SLAIN2: variants seen among roughly 807,000 people sequenced by gnomAD.
The protein encoded by SLAIN2 is SLAIN family member 2, also known as SLAIN motif-containing protein 2.
Under a neutral mutation model 56.6 loss-of-function variants are expected in SLAIN2, and 31 were observed. The ratio of observed to expected loss-of-function variants is 0.55; its 90% CI spans 0.41 to 0.74. The LOEUF (loss-of-function observed/expected upper bound fraction) is 0.74. Ranked by LOEUF, SLAIN2 falls within the 30% of genes least tolerant of loss-of-function variation. The pLI, the probability that SLAIN2 is intolerant of heterozygous loss-of-function variation, is 0.00. For synonymous variants in SLAIN2, 317 were observed against 284.9 expected, an observed-to-expected ratio of 1.11 and a Z score of -1.13; for missense variants, 777 against 754.2, an observed-to-expected ratio of 1.03 and a Z score of -0.35.
intron 2 of SLAIN2, among the ~76,000 whole-genome samples, chr4:48,370,259 T>A (rs1715629022): frequency 6.6e-6 from 1 of 152,202 alleles, no homozygotes. Context: ...TATGATAAGC[T>A]TTTTTCTAAT....
intron 6 of SLAIN2, among the ~76,000 whole-genome samples, chr4:48,400,563 C>G (rs1716522939): frequency 6.6e-6 from 1 of 151,888 alleles, no homozygotes; most frequent in South Asian, 2.1e-4. Context: ...CCACGCCTAG[C>G]TAATTTGTTT....
chr4:48,376,691 G>A (rs1335346773), intron 2 of SLAIN2, among the ~76,000 whole-genome samples: 3 of 134,528 alleles, frequency 2.2e-5, no homozygotes, highest in African/African-American at 8.3e-5. Context: ...GCTCGATATC[G>A]GCTCACTGCA....
intron 1 of SLAIN2, among the ~76,000 whole-genome samples, chr4:48,350,300 A>T (rs894961764): frequency 6.6e-6 from 1 of 152,196 alleles, no homozygotes; most frequent in Non-Finnish European, 1.5e-5. Context: ...CCTGGTGCTG[A>T]TACCCTGGTA....
At chr4:48,349,192 A>G (rs955447830) in intron 1 of SLAIN2, among the ~76,000 whole-genome samples, 3 of 152,204 alleles carry the variant, frequency 2.0e-5, no homozygotes, top group African/African-American at 4.8e-5. Context: ...ATTTAACGCA[A>G]CCACCTTGTG....
chr4:48,384,185 A>G (rs942219603), intron 6 of SLAIN2, among the ~76,000 whole-genome samples: 29 of 152,196 alleles, frequency 1.9e-4, no homozygotes, highest in African/African-American at 7.0e-4. Flanking sequence ...AAAATACCTA[A>G]AAGTTTGATT....
At chr4:48,362,576 G>A (rs114793241) in intron 1 of SLAIN2, among the ~76,000 whole-genome samples, 4,737 of 149,504 alleles carry the variant, frequency 0.032, 88 homozygotes, top group Admixed American at 0.048. Flanking sequence ...GTGCTACCAT[G>A]CCCGGCTACA....
At chr4:48,357,879 T>C (rs1332551585) in intron 1 of SLAIN2, among the ~76,000 whole-genome samples, 1 of 151,754 alleles carries the variant, frequency 6.6e-6, no homozygotes, top group African/African-American at 2.4e-5. Flanking sequence ...AAAAAACTTT[T>C]GTAGAGACAG....
chr4:48,425,299 C>T lies in SLAIN2; in HGVS notation c.*3222C>T, dbSNP rs1049059287. ...CTTTTTTACCTGCTGTGAATTGATA[C>T]CTAGTTATAAAAAGCTAGCATTTGC... is the stretch of plus-strand genomic sequence containing the variant. On this transcript the variant is annotated 3_prime_UTR_variant, in exon 8 of 8. Transcript: ENST00000264313. 1 of 151,884 alleles carries T rather than the reference C, an allele frequency of 6.6e-6. No individual in the cohort carries two copies. The highest frequency in any genetic ancestry group is 1.9e-4 in the East Asian group (1 of 5,190). 9.4% of individuals were successfully genotyped at this position (151,884 alleles called of 1,614,324 possible). A position where few individuals can be genotyped will look rare whatever the true frequency, so the allele number is the denominator to read the frequency against.
At chr4:48,374,054 A>G (rs1406324878) in intron 2 of SLAIN2, among the ~76,000 whole-genome samples, 1 of 152,136 alleles carries the variant, frequency 6.6e-6, no homozygotes, top group East Asian at 1.9e-4. Context: ...AAGGAGATGG[A>G]GTAGAGCATT....
At chr4:48,364,885 G>T (rs903638160) in intron 1 of SLAIN2, among the ~76,000 whole-genome samples, 1 of 143,776 alleles carries the variant, frequency 7.0e-6, no homozygotes, top group African/African-American at 2.6e-5. Flanking sequence ...GGAGGGGGAG[G>T]GGGAGGGGGA....
chr4:48,426,186 G>A lies in SLAIN2; in HGVS notation c.*4109G>A, dbSNP rs1463726722. On this transcript the variant is annotated 3_prime_UTR_variant, in exon 8 of 8. Transcript: ENST00000264313. ...GAGAAAATGTTTCTTTTAAATAAAT[G>A]TTTCTTATGTAAAAATGTTGACATG... 9.9e-5 allele frequency: 15 copies of A among 151,562 alleles called. No individual in the cohort carries two copies. Among genetic ancestry groups the A allele is most frequent in the Non-Finnish European group, 2.9e-5 (2 of 67,916 alleles). The allele number at this position is 151,562 out of a possible 1,614,324, so 9.4% of individuals were successfully genotyped here. A position where few individuals can be genotyped will look rare whatever the true frequency, so the allele number is the denominator to read the frequency against.
Position 48,341,848 on chromosome 4 carries a change from G to T in SLAIN2, c.109G>T (p.Ala37Ser). The change falls in exon 1 of 8, where the codon GCC (alanine) becomes TCC (serine). Residue 37 changes from alanine to serine, a missense_variant. Ala to Ser is a moderately conservative substitution (Grantham distance 99). Coordinates refer to ENST00000264313, the MANE Select transcript of SLAIN2 (RefSeq NM_020846.2). ...CGAACAGCTGAGGAGCCGCTCGGGG[G>T]CCGTGCAGGGCGCCGGCTCCCTTGG... ...QNEQLRSRSGAVQGAGSLGPG... is the reference protein window; with the variant it reads ...QNEQLRSRSGSVQGAGSLGPG... The T allele has an allele frequency of 6.6e-7, 1 of 1,523,364 alleles. No individual in the cohort carries two copies. Among genetic ancestry groups the T allele is most frequent in the Non-Finnish European group, 8.8e-7 (1 of 1,135,864 alleles). 94.4% of individuals were successfully genotyped at this position (1,523,364 alleles called of 1,614,324 possible). A position where few individuals can be genotyped will look rare whatever the true frequency, so the allele number is the denominator to read the frequency against.
chr4:48,383,668 C>A lies in SLAIN2; in HGVS notation c.1244C>A (p.Pro415Gln). The change falls in exon 6 of 8, where the codon CCA (proline) becomes CAA (glutamine). Residue 415 changes from proline (P) to glutamine (Q), a missense_variant. Physicochemically the swap from Pro to Gln is moderately conservative, Grantham distance 76. Coordinates refer to ENST00000264313, the MANE Select transcript of SLAIN2 (RefSeq NM_020846.2). ...KNEEKLRRSL[P>Q]NLSRTSNTQV... is the part of the protein sequence containing the mutation. ...GCAGAAAAACTAAGACGCAGTCTTCCAAACCTGTCCCGAACATCTAATACA... is the reference window on the plus strand; with the variant it reads ...GCAGAAAAACTAAGACGCAGTCTTCAAAACCTGTCCCGAACATCTAATACA... The A allele has an allele frequency of 6.3e-7, 1 of 1,596,812 alleles. No individual in the cohort carries two copies. Among genetic ancestry groups the A allele is most frequent in the Non-Finnish European group, 8.5e-7 (1 of 1,170,024 alleles).
At chr4:48,377,296 C>T (rs1315063374) in intron 2 of SLAIN2, among the ~76,000 whole-genome samples, 2 of 151,566 alleles carry the variant, frequency 1.3e-5, no homozygotes, top group Non-Finnish European at 2.9e-5. Flanking sequence ...GATTTTCCTG[C>T]CTCAGCCTCC....
intron 2 of SLAIN2, among the ~76,000 whole-genome samples, chr4:48,373,803 G>A (rs1265544910): frequency 6.6e-6 from 1 of 152,180 alleles, no homozygotes; most frequent in Non-Finnish European, 1.5e-5. Context: ...CACTTTGGGA[G>A]GCCAAGGTGG....
At chr4:48,365,804 C>A (rs2109749704) in intron 1 of SLAIN2, among the ~76,000 whole-genome samples, 1 of 152,286 alleles carries the variant, frequency 6.6e-6, no homozygotes, top group Non-Finnish European at 1.5e-5. Flanking sequence ...CTCAGGTGAT[C>A]CACCAGCCTC....
intron 6 of SLAIN2, among the ~76,000 whole-genome samples, chr4:48,418,207 G>A (rs1717050175): frequency 6.7e-6 from 1 of 148,352 alleles, no homozygotes; most frequent in African/African-American, 2.5e-5. Flanking sequence ...GCTAGAATTA[G>A]TGGTAAGAGC....
chr4:48,365,340 G>C (rs1715485121), intron 1 of SLAIN2, among the ~76,000 whole-genome samples: 1 of 149,898 alleles, frequency 6.7e-6, no homozygotes, highest in Non-Finnish European at 1.5e-5. Flanking sequence ...CGTGGTGGCG[G>C]GCACCTGTAA....
Position 48,368,983 on chromosome 4 carries a change from T to A in SLAIN2, c.390-866T>A, listed in dbSNP as rs1169948168. ...AACACTTCATGTTATTACACTAACT[T>A]GATTAATGTAAATGAGATTATTGAC... On this transcript the variant is annotated intron_variant, in intron 1 of 7. Coordinates refer to ENST00000264313, the MANE Select transcript of SLAIN2 (RefSeq NM_020846.2). 2.6e-5 allele frequency among the ~76,000 whole-genome samples: 4 copies of A among 152,244 alleles called. No individual in the cohort carries two copies. In the East Asian group the frequency reaches 7.7e-4, roughly 29 times the overall value.
Sources: gnomAD v4.1 joint callset for allele counts (sites outside exome capture counted in the v4.1 genomes callset) on GRCh38, gnomAD v4.1.1 for gene constraint, MANE v1.5 for transcripts, NCBI Gene and HGNC (gene_info 2026-07-23, HGNC 2026-07-21) for gene names.